Variants in ERBB2 observed in about 807,000 individuals in gnomAD.
ERBB2 encodes erb-b2 receptor tyrosine kinase 2.
Under a neutral mutation model 149.0 loss-of-function variants are expected in ERBB2, and 61 were observed. The observed-to-expected ratio is 0.41, with a 90% CI of 0.33 to 0.51. The LOEUF (loss-of-function observed/expected upper bound fraction) is 0.51. Ranked by LOEUF, ERBB2 falls within the 20% of genes least tolerant of loss-of-function variation. The pLI is 0.25. For missense variants in ERBB2, 1,205 were observed against 1,655.1 expected (o/e 0.73, Z 4.72); for synonymous variants, 633 against 678.8 (o/e 0.93, Z 1.05).
In ERBB2 at chr17:39,708,494, C is replaced by G. The variant is rs1295458429; in HGVS notation, c.399C>G (p.Ser133=). 6.2e-7 allele frequency: 1 copy of G among 1,614,160 alleles called. No homozygotes were observed. Among genetic ancestry groups the G allele is most frequent in the Admixed American group, 1.7e-5 (1 of 60,022 alleles). The change falls in exon 3 of 27, where the codon TCC becomes TCG. Residue 133 remains serine (S), a synonymous_variant. Transcript: ENST00000269571. ...LNNTTPVTGA[S]PGGLRELQLR... ...ATACCACCCCTGTCACAGGGGCCTCCCCAGGAGGCCTGCGGGAGCTGCAGC... is the reference window on the plus strand; with the variant it reads ...ATACCACCCCTGTCACAGGGGCCTCGCCAGGAGGCCTGCGGGAGCTGCAGC...
intron 15 of ERBB2, among the ~76,000 whole-genome samples, chr17:39,719,283 A>AT (rs1356269590): frequency 6.6e-6 from 1 of 152,112 alleles, no homozygotes; most frequent in Non-Finnish European, 1.5e-5. Context: ...AAAAAAAAAA[A>AT]GAATATGGGT....
Position 39,727,365 on chromosome 17 carries a change from C to A in ERBB2, c.3230C>A (p.Pro1077His), listed in dbSNP as rs2059833084. The change falls in exon 26 of 27, where the codon CCC (proline) becomes CAC (histidine). Residue 1077 changes from proline (P) to histidine (H), a missense_variant. Transcript: ENST00000269571. The surrounding 1 kb of genome is among the most constrained non-coding windows in gnomAD (Gnocchi z 4.3). Reference sequence around the variant, plus strand: ...GAGGCCCCCAGGTCTCCACTGGCACCCTCCGAAGGGGCTGGCTCCGATGTA... The same window carrying A: ...GAGGCCCCCAGGTCTCCACTGGCACACTCCGAAGGGGCTGGCTCCGATGTA... Reference protein sequence around the residue: ...EEEAPRSPLAPSEGAGSDVFD... With the variant: ...EEEAPRSPLAHSEGAGSDVFD... 3 of 1,610,966 alleles carry A rather than the reference C, an allele frequency of 1.9e-6. No individual in the cohort carries two copies.
upstream of ERBB2, among the ~76,000 whole-genome samples, chr17:39,697,655 C>T (rs111700892): frequency 0.036 from 5,499 of 151,958 alleles, 145 homozygotes; most frequent in African/African-American, 0.071. Context: ...CGCACCCAGC[C>T]GTGCTAGGGT....
At position 39,727,567 on chromosome 17, in the gene ERBB2, C is replaced by G. The variant is rs776236014; in HGVS notation, c.3412+20C>G. ...AGCCTGGTATGGAGTCCAGTCTAAG[C>G]AGAGAGACTGATGGGCAGGGGAGGT... is the stretch of plus-strand genomic sequence containing the variant. On this transcript the variant is annotated intron_variant, in intron 26 of 26. Transcript: ENST00000269571. The surrounding 1 kb of genome is among the most constrained non-coding windows in gnomAD (Gnocchi z 4.3). 6.3e-7 allele frequency: 1 copy of G among 1,588,254 alleles called. No homozygotes were observed. Among genetic ancestry groups the G allele is most frequent in the Admixed American group, 2.0e-5 (1 of 50,016 alleles).
upstream of ERBB2, among the ~76,000 whole-genome samples, chr17:39,698,948 T>C (rs1172749937): frequency 2.0e-5 from 3 of 146,882 alleles, no homozygotes; most frequent in East Asian, 5.8e-4. Flanking sequence ...ATGCAATATC[T>C]TGTTGAAATT....
In ERBB2 at chr17:39,716,192, C is replaced by T. The variant is rs560342136; in HGVS notation, c.1514-109C>T. ...CTTCCTCTCCCTACATCGGCCCCAC[C>T]TGTCCCCACCCCTCCAGCCCACAGC... On this transcript the variant is annotated intron_variant, in intron 12 of 26. Coordinates refer to ENST00000269571, the MANE Select transcript of ERBB2 (RefSeq NM_004448.4). 1.3e-4 allele frequency: 168 copies of T among 1,265,406 alleles called. 1 individual carries two copies. Among genetic ancestry groups the T allele is most frequent in the Non-Finnish European group, 4.3e-6 (4 of 925,822 alleles). The allele number at this position is 1,265,406 out of a possible 1,614,324, so 78.4% of individuals were successfully genotyped here. A position where few individuals can be genotyped will look rare whatever the true frequency, so the allele number is the denominator to read the frequency against.
chr17:39,700,167 C>A lies in ERBB2; in HGVS notation c.-72C>A. 1 of 1,342,504 alleles carries A rather than the reference C, an allele frequency of 7.4e-7. No homozygotes were observed. The highest frequency in any genetic ancestry group is 9.5e-7 in the Non-Finnish European group (1 of 1,054,976). 83.2% of individuals were successfully genotyped at this position (1,342,504 alleles called of 1,614,324 possible). A position where few individuals can be genotyped will look rare whatever the true frequency, so the allele number is the denominator to read the frequency against. On this transcript the variant is annotated 5_prime_UTR_variant, in exon 1 of 27. Coordinates refer to ENST00000269571, the MANE Select transcript of ERBB2 (RefSeq NM_004448.4). Reference sequence around the variant, plus strand: ...CCGCGCGCCCGGCCCCCACCCCTCGCAGCACCCCGCGCCCCGCGCCCTCCC... The same window carrying A: ...CCGCGCGCCCGGCCCCCACCCCTCGAAGCACCCCGCGCCCCGCGCCCTCCC...
chr17:39,699,163 A>T (rs564046311), upstream of ERBB2, among the ~76,000 whole-genome samples: 2 of 152,176 alleles, frequency 1.3e-5, no homozygotes, highest in South Asian at 4.2e-4. Context: ...AAGAATTGAG[A>T]TAGAAGTCTT....
chr17:39,704,376 C>A (rs1199287501), intron 1 of ERBB2, among the ~76,000 whole-genome samples: 5 of 152,138 alleles, frequency 3.3e-5, no homozygotes, highest in Non-Finnish European at 4.4e-5. Context: ...CAGTTCAGGA[C>A]CAGCCTGGCC....
chr17:39,704,163 C>T (rs186655624), intron 1 of ERBB2, among the ~76,000 whole-genome samples: 93 of 152,268 alleles, frequency 6.1e-4, no homozygotes, highest in Middle Eastern at 6.8e-3. Flanking sequence ...TCTAGCGCTC[C>T]CTGTGGCTGG....
chr17:39,716,691 G>A, intron 14 of ERBB2, 86 bp downstream of exon 14: 1 of 1,192,764 alleles, frequency 8.4e-7, no homozygotes, highest in East Asian at 2.5e-5. Context: ...AGATGCAGTA[G>A]GGTGTGCTAT....
rs893593886 is a variant in ERBB2, at chr17:39,723,073, A to G, written c.1947-246A>G. 2.0e-5 allele frequency among the ~76,000 whole-genome samples: 3 copies of G among 152,164 alleles called. No individual in the cohort carries two copies. The highest frequency in any genetic ancestry group is 4.4e-5 in the Non-Finnish European group (3 of 68,030). On this transcript the variant is annotated intron_variant, in intron 16 of 26. Transcript: ENST00000269571. The surrounding 1 kb of genome is among the most constrained non-coding windows in gnomAD (Gnocchi z 6.2). ...TTGTTGAAGCCCTAAGCCAGAGCCAAGGGCAAGAGTATAGAGAATCTGGAG... is the reference window on the plus strand; with the variant it reads ...TTGTTGAAGCCCTAAGCCAGAGCCAGGGGCAAGAGTATAGAGAATCTGGAG...
At chr17:39,693,460 G>A (rs2057756198), upstream of ERBB2, 1 of 152,066 alleles carries the variant, frequency 6.6e-6, no homozygotes, top group South Asian at 2.1e-4. Context: ...CTATTGATAA[G>A]TATTCTGGTA....
rs749633839 is a variant in ERBB2 at position 39,717,315 on chromosome 17, C to A, written c.1738-5C>A. 7 of 1,601,814 alleles carry A rather than the reference C, an allele frequency of 4.4e-6. No individual in the cohort carries two copies. Among genetic ancestry groups the A allele is most frequent in the African/African-American group, 1.3e-5 (1 of 74,636 alleles). On this transcript the variant is annotated splice_polypyrimidine_tract_variant and splice_region_variant and intron_variant, in intron 14 of 26. Coordinates refer to ENST00000269571, the MANE Select transcript of ERBB2 (RefSeq NM_004448.4). ...CCCCCCACAAATCTTTTCTGCCCCC[C>A]CCAGGAGGCTGACCAGTGTGTGGCC...
chr17:39,728,161 A>AT lies in ERBB2; in HGVS notation c.*118dup. 2 of 710,978 alleles carry AT rather than the reference A, an allele frequency of 2.8e-6. No individual in the cohort carries two copies. Among genetic ancestry groups the AT allele is most frequent in the Non-Finnish European group, 4.6e-6 (2 of 439,254 alleles). The allele number at this position is 710,978 out of a possible 1,614,324, so 44.0% of individuals were successfully genotyped here. ...CCGACCACTTCCAGGGGAACCTGCCATGCCAGGAACCTGTCCTAAGGAACC... is the reference window on the plus strand; with the variant it reads ...CCGACCACTTCCAGGGGAACCTGCCATTGCCAGGAACCTGTCCTAAGGAACC... On this transcript the variant is annotated 3_prime_UTR_variant, in exon 27 of 27. Coordinates refer to ENST00000269571, the MANE Select transcript of ERBB2 (RefSeq NM_004448.4).
rs761116412 is a variant in ERBB2 at position 39,712,110 on chromosome 17, C to G, written c.1021+63C>G. 9 of 1,610,610 alleles carry G rather than the reference C, an allele frequency of 5.6e-6. No homozygotes were observed. In the African/African-American group the frequency reaches 1.2e-4, roughly 22 times the overall value. ...TGTCCCTCTGCGCATGCAGCCTGGCCCAGCCCACCCTGTCCTATCCTTCCT... is the reference window on the plus strand; with the variant it reads ...TGTCCCTCTGCGCATGCAGCCTGGCGCAGCCCACCCTGTCCTATCCTTCCT... On this transcript the variant is annotated intron_variant, in intron 8 of 26. Transcript: ENST00000269571.
upstream of ERBB2, chr17:39,699,467 A>T: frequency 7.1e-7 from 1 of 1,399,028 alleles, no homozygotes. Context: ...GTTTAAAAAA[A>T]AAAAAAAGTC....
At chr17:39,707,573 A>G in intron 2 of ERBB2, 1 of 159,972 alleles carries the variant, frequency 6.3e-6, no homozygotes, top group Non-Finnish European at 1.4e-5. Context: ...CCCTATCTGT[A>G]TATTGGGAGC....
upstream of ERBB2, among the ~76,000 whole-genome samples, chr17:39,695,704 TACACACACACACACACACACACACACAC>T (rs56249643): frequency 9.3e-5 from 9 of 96,564 alleles, no homozygotes; most frequent in South Asian, 8.7e-4. Flanking sequence ...GGTGCATGCA[TACACACACACACACACACACACACACAC>T]ACACACACAC....
Sources: gnomAD v4.1 joint callset for allele counts (sites outside exome capture counted in the v4.1 genomes callset) on GRCh38, gnomAD v4.1.1 for gene constraint, Gnocchi (gnomAD v3.1) non-coding constraint, MANE v1.5 for transcripts, NCBI Gene and HGNC (gene_info 2026-07-23, HGNC 2026-07-21) for gene names.